USH1G: variants seen among roughly 807,000 people sequenced by gnomAD.
The protein encoded by USH1G is USH1 protein network component sans.
In USH1G, 27 loss-of-function variants were observed where a neutral mutation model predicts 31.9. That is an observed-to-expected ratio of 0.85 (90% CI 0.62 to 1.17). The LOEUF (loss-of-function observed/expected upper bound fraction) is 1.17. USH1G is among the 50% of genes most tolerant of loss of function. USH1G has a pLI of 0.00. For missense variants in USH1G, 674 were observed against 638.9 expected (o/e 1.05, Z -0.59); for synonymous variants, 266 against 283.2 (o/e 0.94, Z 0.61).
chr17:74,919,195 C>T lies in USH1G; in HGVS notation c.1382+259G>A, dbSNP rs1416334758. ...CATTGACATTAAGAGGCCCATTTCC[C>T]CACTTGTCGATGTCCCCAGAATCGA... On this transcript the variant is annotated intron_variant, in intron 2 of 2. Coordinates refer to ENST00000614341, the MANE Select transcript of USH1G (RefSeq NM_173477.5). The surrounding 1 kb of genome is among the most constrained non-coding windows in gnomAD (Gnocchi z 4.5). 2.0e-5 allele frequency among the ~76,000 whole-genome samples: 3 copies of T among 152,176 alleles called. No homozygotes were observed. The highest frequency in any genetic ancestry group is 4.4e-5 in the Non-Finnish European group (3 of 68,020).
chr17:74,920,734 A>C lies in USH1G; in HGVS notation c.165-63T>G. 7.4e-7 allele frequency: 1 copy of C among 1,355,586 alleles called. No homozygotes were observed. The highest frequency in any genetic ancestry group is 1.0e-6 in the Non-Finnish European group (1 of 976,748). 84.0% of individuals were successfully genotyped at this position (1,355,586 alleles called of 1,614,324 possible). ...CCTGGCTGGGGATGGAGGTGGAGGG[A>C]GTGGAGGGGGGAGGGGAGCTTCCCC... On this transcript the variant is annotated intron_variant, in intron 1 of 2. Transcript: ENST00000614341. The surrounding 1 kb of genome is among the most constrained non-coding windows in gnomAD (Gnocchi z 5.2).
Position 74,917,976 on chromosome 17 carries a change from AG to A in USH1G, c.*96del. The A allele has an allele frequency of 6.6e-7, 1 of 1,519,822 alleles. No homozygotes were observed. The highest frequency in any genetic ancestry group is 9.1e-7 in the Non-Finnish European group (1 of 1,099,788). 94.1% of individuals were successfully genotyped at this position (1,519,822 alleles called of 1,614,324 possible). Reference sequence around the variant, plus strand: ...CCCAACTGGTCCTTGCTCCTGGGGAAGGGGGCTGCAGGGCTGGCAACTGTGA... The same window carrying A: ...CCCAACTGGTCCTTGCTCCTGGGGAAGGGGCTGCAGGGCTGGCAACTGTGA... On this transcript the variant is annotated 3_prime_UTR_variant, in exon 3 of 3. Coordinates refer to ENST00000614341, the MANE Select transcript of USH1G (RefSeq NM_173477.5).
In USH1G at chr17:74,920,767, C is replaced by T. The variant is rs1029077489; in HGVS notation, c.165-96G>A. The T allele has an allele frequency of 5.9e-6, 9 of 1,531,282 alleles. No individual in the cohort carries two copies. The African/African-American group carries it at 1.2e-4, about 21-fold the overall frequency. The allele number at this position is 1,531,282 out of a possible 1,614,324, so 94.9% of individuals were successfully genotyped here. A position where few individuals can be genotyped will look rare whatever the true frequency, so the allele number is the denominator to read the frequency against. ...GGGGAGGGGAGCTTCCCCACTGTCACAGCAACCCCCAAAGGGACCGTGGGC... is the reference window on the plus strand; with the variant it reads ...GGGGAGGGGAGCTTCCCCACTGTCATAGCAACCCCCAAAGGGACCGTGGGC... On this transcript the variant is annotated intron_variant, in intron 1 of 2. Coordinates refer to ENST00000614341, the MANE Select transcript of USH1G (RefSeq NM_173477.5). The surrounding 1 kb of genome is among the most constrained non-coding windows in gnomAD (Gnocchi z 5.2).
rs938986424 is a variant in USH1G, at chr17:74,921,846, G to T, written c.164+1064C>A. Among the ~76,000 whole-genome samples, 1 of 152,146 alleles carries T rather than the reference G, an allele frequency of 6.6e-6. No individual in the cohort carries two copies. The highest frequency in any genetic ancestry group is 1.5e-5 in the Non-Finnish European group (1 of 68,010). On this transcript the variant is annotated intron_variant, in intron 1 of 2. Coordinates refer to ENST00000614341, the MANE Select transcript of USH1G (RefSeq NM_173477.5). This position sits in a 1 kb window ranked among gnomAD's most constrained non-coding sequence, Gnocchi z 4.6. ...AAGGGCCAGCCAGCCTTGGCCTCAC[G>T]GGACATGGTTCAGCTGCCCAGGCTT...
At position 74,920,420 on chromosome 17, in the gene USH1G, G is replaced by T; in HGVS notation, c.416C>A (p.Ala139Asp). 6.2e-7 allele frequency: 1 copy of T among 1,613,592 alleles called. No homozygotes were observed. Among genetic ancestry groups the T allele is most frequent in the South Asian group, 1.1e-5 (1 of 91,092 alleles). Residue 139 changes from alanine to aspartate, a missense_variant, in exon 2 of 3, where the codon GCC becomes GAC. By Grantham distance (126) the Ala-to-Asp change is moderately radical. Transcript: ENST00000614341. This position sits in a 1 kb window ranked among gnomAD's most constrained non-coding sequence, Gnocchi z 5.2. ...PKLVGKLKDK[A>D]FREAERRIRE... ...GATGCGCCGCTCCGCCTCGCGGAAG[G>T]CCTTGTCCTTCAGCTTACCCACCAG...
At position 74,920,060 on chromosome 17, in the gene USH1G, C is replaced by T. The variant is rs757008876; in HGVS notation, c.776G>A (p.Gly259Asp). The T allele has an allele frequency of 1.2e-6, 2 of 1,608,392 alleles. No individual in the cohort carries two copies. Among genetic ancestry groups the T allele is most frequent in the Non-Finnish European group, 8.5e-7 (1 of 1,179,630 alleles). ...LGSDVMFVRQGTYANPKEWGR... is the reference protein window; with the variant it reads ...LGSDVMFVRQDTYANPKEWGR... Reference sequence around the variant, plus strand: ...CCACTCCTTGGGATTGGCGTAGGTGCCCTGGCGCACGAACATCACGTCGCT... The same window carrying T: ...CCACTCCTTGGGATTGGCGTAGGTGTCCTGGCGCACGAACATCACGTCGCT... Residue 259 changes from glycine (G) to aspartate (D), a missense_variant, in exon 2 of 3, where the codon GGC becomes GAC. Gly to Asp is a moderately conservative substitution (Grantham distance 94, BLOSUM62 -1). Coordinates refer to ENST00000614341, the MANE Select transcript of USH1G (RefSeq NM_173477.5). The surrounding 1 kb of genome is among the most constrained non-coding windows in gnomAD (Gnocchi z 5.2).
chr17:74,922,444 C>T (rs1598586950), intron 1 of USH1G, among the ~76,000 whole-genome samples: 1 of 152,176 alleles, frequency 6.6e-6, no homozygotes, highest in Non-Finnish European at 1.5e-5. Flanking sequence ...TGAGGGCAAG[C>T]GCTGTGTGAC....
Position 74,920,153 on chromosome 17 carries a change from TCGCCG to T in USH1G, c.678_682del (p.Gly227ArgfsTer127). 7 of 1,602,138 alleles carry T rather than the reference TCGCCG, an allele frequency of 4.4e-6. No individual in the cohort carries two copies. Among genetic ancestry groups the T allele is most frequent in the Non-Finnish European group, 5.9e-6 (7 of 1,179,804 alleles). On this transcript the variant is annotated frameshift_variant, in exon 2 of 3. Coordinates refer to ENST00000614341, the MANE Select transcript of USH1G (RefSeq NM_173477.5). LOFTEE classifies it high-confidence loss of function. The surrounding 1 kb of genome is among the most constrained non-coding windows in gnomAD (Gnocchi z 5.2). Reference sequence around the variant, plus strand: ...ATCCTCGGAGACCTTGAAGGTGCCTTCGCCGCCCTGCTTGCGCCGCTCCAGCTTCT... The same window carrying T: ...ATCCTCGGAGACCTTGAAGGTGCCTTCCCTGCTTGCGCCGCTCCAGCTTCT...
At chr17:74,922,812 C>T in intron 1 of USH1G, 98 bp downstream of exon 1, 1 of 1,399,522 alleles carries the variant, frequency 7.1e-7, no homozygotes, top group Non-Finnish European at 9.6e-7. Flanking sequence ...TAAGGGTCCG[C>T]CTGTCTGCAG....
At position 74,917,717 on chromosome 17, in the gene USH1G, A is replaced by C; in HGVS notation, c.*356T>G. The C allele has an allele frequency of 2.8e-6, 1 of 358,950 alleles. No individual in the cohort carries two copies. The highest frequency in any genetic ancestry group is 5.3e-5 in the East Asian group (1 of 18,772). The allele number at this position is 358,950 out of a possible 1,614,324, so 22.2% of individuals were successfully genotyped here. ...TGGGAGAGGCCACGGCGCCCGGGAC[A>C]GGTGCACCCTCCCGCATCCACCTCC... On this transcript the variant is annotated 3_prime_UTR_variant, in exon 3 of 3. Transcript: ENST00000614341.
At position 74,917,688 on chromosome 17, in the gene USH1G, G is replaced by T; in HGVS notation, c.*385C>A. On this transcript the variant is annotated 3_prime_UTR_variant, in exon 3 of 3. Transcript: ENST00000614341. ...ACAAGAGAACAAGACCATCAGGGGA[G>T]GGGTGGGAGAGGCCACGGCGCCCGG... The T allele has an allele frequency of 3.1e-6, 1 of 318,888 alleles. No individual in the cohort carries two copies. The highest frequency in any genetic ancestry group is 6.3e-5 in the East Asian group (1 of 15,758). The allele number at this position is 318,888 out of a possible 1,614,324, so 19.8% of individuals were successfully genotyped here.
chr17:74,917,939 C>G lies in USH1G; in HGVS notation c.*134G>C. 2.5e-6 allele frequency: 3 copies of G among 1,180,906 alleles called. No homozygotes were observed. Among genetic ancestry groups the G allele is most frequent in the Non-Finnish European group, 3.7e-6 (3 of 806,168 alleles). 73.2% of individuals were successfully genotyped at this position (1,180,906 alleles called of 1,614,324 possible). ...CAGCTTCAAGGTGCAGACAGACTTT[C>G]AAAGGAGTCGCCCCAACTGGTCCTT... On this transcript the variant is annotated 3_prime_UTR_variant, in exon 3 of 3. Transcript: ENST00000614341.
In USH1G at chr17:74,916,909, A is replaced by C. The variant is rs1174895689; in HGVS notation, c.*1164T>G. 6.5e-6 allele frequency: 1 copy of C among 152,924 alleles called. No homozygotes were observed. The allele number at this position is 152,924 out of a possible 1,614,324, so 9.5% of individuals were successfully genotyped here. A position where few individuals can be genotyped will look rare whatever the true frequency, so the allele number is the denominator to read the frequency against. Reference sequence around the variant, plus strand: ...CACACATGCACACACACACACATGCATGCACACACACACATGCACACACAT... The same window carrying C: ...CACACATGCACACACACACACATGCCTGCACACACACACATGCACACACAT... On this transcript the variant is annotated 3_prime_UTR_variant, in exon 3 of 3. Coordinates refer to ENST00000614341, the MANE Select transcript of USH1G (RefSeq NM_173477.5).
In USH1G at chr17:74,919,293, T is replaced by C. The variant is rs112125643; in HGVS notation, c.1382+161A>G. On this transcript the variant is annotated intron_variant, in intron 2 of 2. Transcript: ENST00000614341. The surrounding 1 kb of genome is among the most constrained non-coding windows in gnomAD (Gnocchi z 4.5). Reference sequence around the variant, plus strand: ...GCCACTTCTTTTTCTGAGCTGGTGGTAAATAAAATAAGGGTGCCTTTTATC... The same window carrying C: ...GCCACTTCTTTTTCTGAGCTGGTGGCAAATAAAATAAGGGTGCCTTTTATC... 4.4e-3 allele frequency among the ~76,000 whole-genome samples: 666 copies of C among 152,312 alleles called. 5 individuals carry two copies. The highest frequency in any genetic ancestry group is 0.031 in the Middle Eastern group (9 of 294).
Position 74,921,399 on chromosome 17 carries a change from G to A in USH1G, c.165-728C>T, listed in dbSNP as rs755166662. 6.6e-6 allele frequency among the ~76,000 whole-genome samples: 1 copy of A among 152,006 alleles called. No individual in the cohort carries two copies. Among genetic ancestry groups the A allele is most frequent in the Non-Finnish European group, 1.5e-5 (1 of 67,966 alleles). ...GTATCCCTGCAAGGCTGGCTCACTTGAGCCTGTCCAGGGACCCCCGACAGC... is the reference window on the plus strand; with the variant it reads ...GTATCCCTGCAAGGCTGGCTCACTTAAGCCTGTCCAGGGACCCCCGACAGC... On this transcript the variant is annotated intron_variant, in intron 1 of 2. Transcript: ENST00000614341. The surrounding 1 kb of genome is among the most constrained non-coding windows in gnomAD (Gnocchi z 4.6).
Position 74,920,347 on chromosome 17 carries a change from C to A in USH1G, c.489G>T (p.Arg163=), listed in dbSNP as rs747169902. Residue 163 remains arginine, a synonymous_variant, in exon 2 of 3, where the codon CGG becomes CGT. Transcript: ENST00000614341. This position sits in a 1 kb window ranked among gnomAD's most constrained non-coding sequence, Gnocchi z 5.2. ...LQRRHHERME[R]RYRRELAERS... The stretch of plus-strand genomic sequence containing the variant: ...GCTCGGCCAGCTCGCGCCGGTATCG[C>A]CGCTCCATGCGTTCGTGGTGCCTCC... 6.2e-7 allele frequency: 1 copy of A among 1,611,456 alleles called. No homozygotes were observed. Among genetic ancestry groups the A allele is most frequent in the Non-Finnish European group, 8.5e-7 (1 of 1,179,728 alleles).
rs1469847752 is a variant in USH1G at position 74,919,082 on chromosome 17, G to A, written c.1382+372C>T. 6.6e-6 allele frequency among the ~76,000 whole-genome samples: 1 copy of A among 152,218 alleles called. No homozygotes were observed. Among genetic ancestry groups the A allele is most frequent in the Non-Finnish European group, 1.5e-5 (1 of 68,038 alleles). On this transcript the variant is annotated intron_variant, in intron 2 of 2. Transcript: ENST00000614341. This position sits in a 1 kb window ranked among gnomAD's most constrained non-coding sequence, Gnocchi z 4.5. The stretch of plus-strand genomic sequence containing the variant: ...ACAGGCTTTTAGAGGGATTAAGCAA[G>A]AGGACTTGTTCAAGGGCACAACCCA...
chr17:74,923,101 G>A lies in USH1G; in HGVS notation c.-28C>T. 1 of 1,551,844 alleles carries A rather than the reference G, an allele frequency of 6.4e-7. No homozygotes were observed. The highest frequency in any genetic ancestry group is 8.7e-7 in the Non-Finnish European group (1 of 1,144,900). ...CGCCCGAAGTGGACGGGGCGGGCGGGGGACACGGAGAAAGGCCCCCCGCAG... is the reference window on the plus strand; with the variant it reads ...CGCCCGAAGTGGACGGGGCGGGCGGAGGACACGGAGAAAGGCCCCCCGCAG... On this transcript the variant is annotated 5_prime_UTR_variant, in exon 1 of 3. Transcript: ENST00000614341. The surrounding 1 kb of genome is among the most constrained non-coding windows in gnomAD (Gnocchi z 5.3).
At position 74,919,358 on chromosome 17, in the gene USH1G, C is replaced by G; in HGVS notation, c.1382+96G>C. On this transcript the variant is annotated intron_variant, in intron 2 of 2. Transcript: ENST00000614341. This position sits in a 1 kb window ranked among gnomAD's most constrained non-coding sequence, Gnocchi z 4.5. Reference sequence around the variant, plus strand: ...TTCGATTTTATGAAATACAGTATCCCCCACCCCCTACTCCTGAATAGGCAG... The same window carrying G: ...TTCGATTTTATGAAATACAGTATCCGCCACCCCCTACTCCTGAATAGGCAG... 7.0e-7 allele frequency: 1 copy of G among 1,434,128 alleles called. No homozygotes were observed. Among genetic ancestry groups the G allele is most frequent in the Non-Finnish European group, 9.2e-7 (1 of 1,084,884 alleles). 88.8% of individuals were successfully genotyped at this position (1,434,128 alleles called of 1,614,324 possible).
Sources: gnomAD v4.1 joint callset for allele counts (sites outside exome capture counted in the v4.1 genomes callset) on GRCh38, gnomAD v4.1.1 for gene constraint, Gnocchi (gnomAD v3.1) non-coding constraint, MANE v1.5 for transcripts, NCBI Gene and HGNC (gene_info 2026-07-23, HGNC 2026-07-21) for gene names.